MRNIP: variants seen among roughly 807,000 people sequenced by gnomAD.
MRNIP encodes MRN complex interacting protein, also known as MRN complex-interacting protein.
A neutral mutation model predicts 29.8 loss-of-function variants in MRNIP; 30 were observed. The observed-to-expected ratio is 1.01, with a 90% confidence interval of 0.75 to 1.36. The LOEUF is 1.36. Among genes scored for constraint, MRNIP ranks in the 40% most tolerant of loss-of-function variants. MRNIP has a pLI of 0.00. For missense variants in MRNIP, 459 were observed against 423.5 expected, an observed-to-expected ratio of 1.08 and a Z score of -0.74; for synonymous variants, 201 against 164.1, an observed-to-expected ratio of 1.23 and a Z score of -1.72.
At chr5:179,840,792 G>T in intron 6 of MRNIP, 80 bp downstream of exon 6, 1 of 1,088,424 alleles carries the variant, frequency 9.2e-7, no homozygotes, top group Non-Finnish European at 1.4e-6. Flanking sequence ...CGCACACTTC[G>T]TCAACTGTGA....
rs1436146379 is a variant in MRNIP at position 179,853,421 on chromosome 5, T to C, written c.83A>G (p.Lys28Arg). 1.9e-6 allele frequency: 3 copies of C among 1,610,966 alleles called. No individual in the cohort carries two copies. The highest frequency in any genetic ancestry group is 1.3e-5 in the African/African-American group (1 of 74,948). Residue 28 changes from lysine to arginine, a missense_variant, in exon 2 of 7, where the codon AAG becomes AGG. Lys to Arg is a conservative substitution (Grantham distance 26). Transcript: ENST00000292586. The part of the protein sequence containing the change: ...FQAHQVKKSV[K>R]WTCKACGEKQ... Reference sequence around the variant, plus strand: ...CTCTCCACAAGCTTTGCATGTCCACTTGACACTCTTTTTTACCTGCAATGA... The same window carrying C: ...CTCTCCACAAGCTTTGCATGTCCACCTGACACTCTTTTTTACCTGCAATGA...
In MRNIP at chr5:179,837,890, A is replaced by G. The variant is rs745524145; in HGVS notation, c.538-5T>C. The G allele has an allele frequency of 1.2e-6, 2 of 1,600,886 alleles. No homozygotes were observed. The highest frequency in any genetic ancestry group is 1.7e-6 in the Non-Finnish European group (2 of 1,177,952). On this transcript the variant is annotated splice_region_variant and splice_polypyrimidine_tract_variant and intron_variant, in intron 6 of 6. Transcript: ENST00000292586. ...CCATGTCAGGCCAGCCTGTCCCTGA[A>G]AGAGAAGATGGCCATGCCCTCCATG...
At chr5:179,851,323 A>C (rs1358670936) in intron 2 of MRNIP, 1 of 456,108 alleles carries the variant, frequency 2.2e-6, no homozygotes, top group Admixed American at 2.3e-5. Flanking sequence ...GCCTGGGCCA[A>C]CCAGGTTGCT....
intron 4 of MRNIP, among the ~76,000 whole-genome samples, chr5:179,843,923 AGAG>A (rs978910868): frequency 2.0e-5 from 3 of 152,160 alleles, no homozygotes; most frequent in Admixed American, 6.6e-5. Context: ...CCAAGCAGAC[AGAG>A]GAGAGAGTCC....
chr5:179,858,084 G>A (rs750098247), intron 1 of MRNIP, among the ~76,000 whole-genome samples: 5 of 152,028 alleles, frequency 3.3e-5, no homozygotes, highest in Non-Finnish European at 7.4e-5. Flanking sequence ...CAATAATTAG[G>A]AGGGAGGGAC....
At chr5:179,855,220 G>C (rs184454088) in intron 1 of MRNIP, among the ~76,000 whole-genome samples, 1 of 150,604 alleles carries the variant, frequency 6.6e-6, no homozygotes, top group African/African-American at 2.4e-5. Context: ...TCTCGGCTTA[G>C]TGCAACCTCC....
intron 1 of MRNIP, among the ~76,000 whole-genome samples, chr5:179,854,405 A>G (rs1018938285): frequency 6.6e-6 from 1 of 152,240 alleles, no homozygotes; most frequent in Non-Finnish European, 1.5e-5. Flanking sequence ...TCATAATCAT[A>G]AAGGTGGTAC....
chr5:179,841,663 G>A, intron 5 of MRNIP: 1 of 555,626 alleles, frequency 1.8e-6, no homozygotes, highest in African/African-American at 1.9e-5. Context: ...TCAGAATTAA[G>A]TGGGCATCAT....
intron 3 of MRNIP, 49 bp downstream of exon 3, chr5:179,847,929 C>A: frequency 1.6e-6 from 2 of 1,286,776 alleles, no homozygotes; most frequent in South Asian, 2.6e-5. Flanking sequence ...ATTATCCAGT[C>A]AAGACGAAAA....
At chr5:179,844,594 TTTC>T (rs1319418251) in intron 3 of MRNIP, among the ~76,000 whole-genome samples, 1 of 152,058 alleles carries the variant, frequency 6.6e-6, no homozygotes, top group African/African-American at 2.4e-5. Flanking sequence ...GCCCTTTTTT[TTTC>T]TTCTTTTTAT....
At position 179,837,413 on chromosome 5, in the gene MRNIP, TC is replaced by T; in HGVS notation, c.1009del (p.Glu337LysfsTer15). 1 of 1,595,868 alleles carries T rather than the reference TC, an allele frequency of 6.3e-7. No homozygotes were observed. The highest frequency in any genetic ancestry group is 8.6e-7 in the Non-Finnish European group (1 of 1,169,254). On this transcript the variant is annotated frameshift_variant, in exon 7 of 7. Transcript: ENST00000292586. LOFTEE classifies it high-confidence loss of function. ...TRLCDLFITG[E>X]DFDDDV ...AGATCACACATCATCATCGAAGTCT[TC>T]CCCAGTTATAAAGAGGTCACATAGT...
At chr5:179,855,907 GTTTT>G (rs1205010985) in intron 1 of MRNIP, among the ~76,000 whole-genome samples, 3 of 111,036 alleles carry the variant, frequency 2.7e-5, no homozygotes, top group Non-Finnish European at 3.7e-5. Context: ...AAGAAAAGTT[GTTTT>G]TTTTTTTTTT....
chr5:179,840,749 G>A (rs1420499510), intron 6 of MRNIP, 123 bp downstream of exon 6: 9 of 753,708 alleles, frequency 1.2e-5, no homozygotes, highest in East Asian at 5.4e-5. Flanking sequence ...CAAGAAACCC[G>A]GGTGGGAAGA....
intron 2 of MRNIP, chr5:179,851,224 A>G: frequency 4.4e-6 from 2 of 455,646 alleles, no homozygotes; most frequent in Non-Finnish European, 8.8e-6. Flanking sequence ...CATGCTCACC[A>G]TGTGGGGTGT....
At chr5:179,858,050 C>T (rs990832010) in intron 1 of MRNIP, among the ~76,000 whole-genome samples, 17 of 150,334 alleles carry the variant, frequency 1.1e-4, no homozygotes, top group South Asian at 6.3e-4. Context: ...TGATGCTATT[C>T]TTTCTCAGGG....
chr5:179,849,532 C>T (rs970331570), intron 2 of MRNIP, among the ~76,000 whole-genome samples: 6 of 150,266 alleles, frequency 4.0e-5, no homozygotes, highest in African/African-American at 1.5e-4. Flanking sequence ...CCTGCTATGG[C>T]ACAGGCAGAT....
intron 1 of MRNIP, among the ~76,000 whole-genome samples, chr5:179,855,063 A>G (rs749833480): frequency 6.6e-6 from 1 of 152,262 alleles, no homozygotes; most frequent in African/African-American, 2.4e-5. Flanking sequence ...AGACATAATT[A>G]TAATACCTGA....
chr5:179,856,539 G>A (rs1045809560), intron 1 of MRNIP, among the ~76,000 whole-genome samples: 2 of 152,212 alleles, frequency 1.3e-5, no homozygotes, highest in Middle Eastern at 3.4e-3. Context: ...GTGTGAACAC[G>A]GCTCACTGCA....
chr5:179,838,387 G>C (rs1356868784), intron 6 of MRNIP: 1 of 169,212 alleles, frequency 5.9e-6, no homozygotes, highest in Non-Finnish European at 1.3e-5. Context: ...TCTGAAAGTT[G>C]GGTGTCGGCC....
Sources: gnomAD v4.1 joint callset for allele counts (sites outside exome capture counted in the v4.1 genomes callset) on GRCh38, gnomAD v4.1.1 for gene constraint, MANE v1.5 for transcripts, NCBI Gene and HGNC (gene_info 2026-07-23, HGNC 2026-07-21) for gene names.